ARB2A: variants seen among roughly 807,000 people sequenced by gnomAD.
ARB2A encodes cotranscriptional regulator ARB2A.
the ARB2A span, among the ~76,000 whole-genome samples, chr5:93,804,020 A>G: frequency 1.3e-5 from 2 of 151,978 alleles, no homozygotes; most frequent in African/African-American, 4.8e-5. Flanking sequence ...CATGTACTCT[A>G]TTACCAGCAT....
the ARB2A span, among the ~76,000 whole-genome samples, chr5:93,815,718 C>T: frequency 6.6e-5 from 10 of 152,182 alleles, no homozygotes; most frequent in African/African-American, 2.4e-4. Flanking sequence ...TCCTTCATTT[C>T]CTATAAAGGA....
chr5:93,887,226 A>G, the ARB2A span, among the ~76,000 whole-genome samples: 4 of 151,428 alleles, frequency 2.6e-5, no homozygotes, highest in Non-Finnish European at 5.9e-5. Flanking sequence ...CAAGCAAACA[A>G]AAGTGAAAGC....
At chr5:93,726,545 A>C in the ARB2A span, among the ~76,000 whole-genome samples, 1 of 152,128 alleles carries the variant, frequency 6.6e-6, no homozygotes, top group Non-Finnish European at 1.5e-5. Flanking sequence ...AATGAGGCCA[A>C]CAGGCAAAGA....
the ARB2A span, among the ~76,000 whole-genome samples, chr5:93,919,443 T>C: frequency 2.6e-5 from 4 of 152,158 alleles, no homozygotes; most frequent in East Asian, 1.9e-4. Context: ...ATTTTTTTGA[T>C]TGTATAAAGT....
chr5:93,671,562 T>C, the ARB2A span, among the ~76,000 whole-genome samples: 1 of 152,116 alleles, frequency 6.6e-6, no homozygotes, highest in South Asian at 2.1e-4. Context: ...TTCTAATTGA[T>C]AATTGGAAAT....
At chr5:94,002,289 A>C in the ARB2A span, among the ~76,000 whole-genome samples, 1 of 152,176 alleles carries the variant, frequency 6.6e-6, no homozygotes, top group South Asian at 2.1e-4. Flanking sequence ...TAAACACACA[A>C]GGAAGATTTT....
At chr5:93,741,141 C>T in the ARB2A span, 12 of 1,613,894 alleles carry the variant, frequency 7.4e-6, no homozygotes, top group East Asian at 2.5e-4. Context: ...CCTGCGAGTA[C>T]CCTAGGCTCA....
chr5:93,780,179 C>T, the ARB2A span, among the ~76,000 whole-genome samples: 1 of 152,044 alleles, frequency 6.6e-6, no homozygotes, highest in Non-Finnish European at 1.5e-5. Context: ...TTTGTGTCCT[C>T]GGACAAATAC....
the ARB2A span, among the ~76,000 whole-genome samples, chr5:93,801,010 G>A: frequency 1.3e-5 from 2 of 152,060 alleles, no homozygotes; most frequent in East Asian, 1.9e-4. Flanking sequence ...TAAGTAAAAA[G>A]GTACAAATTG....
chr5:93,854,440 T>G, the ARB2A span, among the ~76,000 whole-genome samples: 2 of 152,200 alleles, frequency 1.3e-5, no homozygotes, highest in African/African-American at 4.8e-5. Flanking sequence ...AAGGGTTTTT[T>G]GTGTCTCTAT....
chr5:93,991,160 T>C, the ARB2A span, among the ~76,000 whole-genome samples: 2 of 152,174 alleles, frequency 1.3e-5, no homozygotes, highest in East Asian at 1.9e-4. Flanking sequence ...ATATAGGGAA[T>C]AGGAGTCAGT....
At chr5:93,843,919 G>A in the ARB2A span, among the ~76,000 whole-genome samples, 1 of 151,900 alleles carries the variant, frequency 6.6e-6, no homozygotes, top group African/African-American at 2.4e-5. Context: ...CAGGACATTT[G>A]CTGATAGATT....
chr5:93,640,984 A>C, the ARB2A span, among the ~76,000 whole-genome samples: 1 of 151,834 alleles, frequency 6.6e-6, no homozygotes, highest in Admixed American at 6.6e-5. Context: ...GGTGGATCAC[A>C]AAGTCAGGAG....
At chr5:93,783,060 G>C in the ARB2A span, among the ~76,000 whole-genome samples, 1 of 152,050 alleles carries the variant, frequency 6.6e-6, no homozygotes, top group Non-Finnish European at 1.5e-5. Context: ...TCCAGCCTTA[G>C]TTAGAAATAC....
At chr5:93,798,161 C>T in the ARB2A span, among the ~76,000 whole-genome samples, 1 of 152,028 alleles carries the variant, frequency 6.6e-6, no homozygotes, top group Non-Finnish European at 1.5e-5. Context: ...ATTCCTTACC[C>T]ACTTCCATAA....
the ARB2A span, chr5:93,736,551 G>C: frequency 4.6e-5 from 7 of 152,078 alleles, no homozygotes; most frequent in Non-Finnish European, 7.4e-5. Context: ...ATGAGAATGA[G>C]ATCCCTCAAA....
At chr5:93,774,796 A>G in the ARB2A span, among the ~76,000 whole-genome samples, 108 of 152,306 alleles carry the variant, frequency 7.1e-4, no homozygotes, top group African/African-American at 2.6e-3. Context: ...AATCAACAAT[A>G]TATATTAAAT....
the ARB2A span, among the ~76,000 whole-genome samples, chr5:93,826,972 C>A: frequency 1.3e-5 from 2 of 151,934 alleles, no homozygotes. Context: ...ATATGTGCCA[C>A]GTTTTTTTAA....
At chr5:93,776,309 G>C in the ARB2A span, 1 of 1,287,204 alleles carries the variant, frequency 7.8e-7, no homozygotes, top group African/African-American at 1.5e-5. Context: ...TTTAGGGAGA[G>C]TTTAATTTAT....
Sources: allele counts gnomAD v4.1 joint callset (sites outside exome capture counted in the v4.1 genomes callset), GRCh38; gene constraint gnomAD v4.1.1; transcripts MANE v1.5; gene names NCBI Gene and HGNC (gene_info 2026-07-23, HGNC 2026-07-21).